DGLUCY: variants seen among roughly 807,000 people sequenced by gnomAD.
DGLUCY encodes D-glutamate cyclase, mitochondrial.
A neutral mutation model predicts 58.5 loss-of-function variants in DGLUCY; 58 were observed. The observed-to-expected ratio is 0.99, with a 90% CI of 0.80 to 1.23. The LOEUF is 1.23. Among genes scored for constraint, DGLUCY ranks in the 50% most tolerant of loss-of-function variants. DGLUCY has a pLI of 0.00. For synonymous variants in DGLUCY, 325 were observed against 314.1 expected (o/e 1.03, Z -0.37); for missense variants, 779 against 784.7 (o/e 0.99, Z 0.09).
intron 9 of DGLUCY, among the ~76,000 whole-genome samples, chr14:91,190,326 C>T (rs182686587): frequency 1.0e-3 from 159 of 152,264 alleles, no homozygotes; most frequent in African/African-American, 3.6e-3. Context: ...GCAAAACTGA[C>T]AACAGTCCTG....
chr14:91,200,888 G>C (rs1293666865), intron 11 of DGLUCY, among the ~76,000 whole-genome samples: 1 of 152,092 alleles, frequency 6.6e-6, no homozygotes, highest in Admixed American at 6.6e-5. Flanking sequence ...TATAGGTTTG[G>C]GATAGGTGGT....
intron 8 of DGLUCY, among the ~76,000 whole-genome samples, chr14:91,185,202 C>T (rs987659368): frequency 6.7e-6 from 1 of 149,898 alleles, no homozygotes; most frequent in African/African-American, 2.5e-5. Flanking sequence ...CTCCTGGCCT[C>T]ATGCAATCTG....
At chr14:91,156,510 G>A (rs1371016882) in intron 1 of DGLUCY, among the ~76,000 whole-genome samples, 4 of 152,120 alleles carry the variant, frequency 2.6e-5, no homozygotes, top group African/African-American at 7.2e-5. Flanking sequence ...GGATTGCTTG[G>A]GTAAACAGAG....
At chr14:91,143,758 A>T (rs1463225567) in intron 1 of DGLUCY, among the ~76,000 whole-genome samples, 1 of 152,174 alleles carries the variant, frequency 6.6e-6, no homozygotes, top group East Asian at 1.9e-4. Context: ...GTAGAGAAAG[A>T]GCAAGACTAT....
intron 3 of DGLUCY, among the ~76,000 whole-genome samples, chr14:91,162,624 C>T (rs537393451): frequency 1.0e-3 from 158 of 152,254 alleles, no homozygotes; most frequent in Non-Finnish European, 1.2e-3. Flanking sequence ...GGGCCGGGCA[C>T]GGTGGCGCAC....
intron 2 of DGLUCY, 112 bp from the exon 3 acceptor site, chr14:91,160,154 A>G: frequency 1.4e-6 from 1 of 725,372 alleles, no homozygotes; most frequent in Non-Finnish European, 2.4e-6. Context: ...GCCCAGGAAC[A>G]GGGCCAGGAA....
In DGLUCY at chr14:91,173,412, G is replaced by A. The variant is rs1566982806; in HGVS notation, c.580G>A (p.Gly194Arg). The A allele has an allele frequency of 1.2e-6, 2 of 1,607,950 alleles. No homozygotes were observed. The highest frequency in any genetic ancestry group is 2.7e-5 in the African/African-American group (2 of 74,346). ...CTGCTGCTCCCTCGGAGGTGAGCAG[G>A]GGCAACCTGTTCACATGGGCGACCC... ...RACCSLGGEQ[G>R]QPVHMGDPEL... Residue 194 changes from glycine to arginine, a missense_variant, in exon 6 of 14, where the codon GGG (glycine) becomes AGG (arginine). Transcript: ENST00000256324.
At chr14:91,112,709 A>G (rs1283070628), upstream of DGLUCY, among the ~76,000 whole-genome samples, 1 of 151,910 alleles carries the variant, frequency 6.6e-6, no homozygotes, top group African/African-American at 2.4e-5. Context: ...AAAAACCAAA[A>G]CCAAAATGAA....
intron 1 of DGLUCY, among the ~76,000 whole-genome samples, chr14:91,083,475 T>G: frequency 6.8e-6 from 1 of 146,116 alleles, no homozygotes; most frequent in Non-Finnish European, 1.5e-5. Context: ...TGAGCTGAGA[T>G]CGTGCCACTC....
rs1213349523 is a variant in DGLUCY at position 91,173,391 on chromosome 14, T to C, written c.559T>C (p.Cys187Arg). ...DKLEGLVRACCSLGGEQGQPV... is the reference protein window; with the variant it reads ...DKLEGLVRACRSLGGEQGQPV... ...GCTGGAAGGGCTGGTGCGGGCCTGC[T>C]GCTCCCTCGGAGGTGAGCAGGGGCA... Residue 187 changes from cysteine to arginine, a missense_variant, in exon 6 of 14, where the codon TGC (cysteine) becomes CGC (arginine). Cys to Arg is a radical substitution (Grantham distance 180). Coordinates refer to ENST00000256324, the MANE Select transcript of DGLUCY (RefSeq NM_001102368.3). 6.2e-7 allele frequency: 1 copy of C among 1,612,908 alleles called. No homozygotes were observed. Among genetic ancestry groups the C allele is most frequent in the East Asian group, 2.2e-5 (1 of 44,870 alleles).
intron 12 of DGLUCY, among the ~76,000 whole-genome samples, chr14:91,205,146 G>A (rs1200462707): frequency 1.3e-5 from 2 of 152,174 alleles, no homozygotes; most frequent in African/African-American, 4.8e-5. Context: ...TAAGAGCTTT[G>A]GGGGCGATAG....
chr14:91,124,147 C>T (rs751817750), intron 1 of DGLUCY, among the ~76,000 whole-genome samples: 1 of 151,636 alleles, frequency 6.6e-6, no homozygotes, highest in Non-Finnish European at 1.5e-5. Context: ...GGGATGGTCT[C>T]GATCTCCTGA....
At chr14:91,060,672 C>G in exon 1 of DGLUCY, 1 of 404,528 alleles carries the variant, frequency 2.5e-6, no homozygotes. Flanking sequence ...TCCACCGCCG[C>G]CTCCTCAGGC....
chr14:91,068,079 GCACACACACACA>G (rs57428509), intron 1 of DGLUCY, among the ~76,000 whole-genome samples: 111 of 146,430 alleles, frequency 7.6e-4, no homozygotes, highest in African/African-American at 2.6e-3. Context: ...ACACGCGCAC[GCACACACACACA>G]CACACACACA....
intron 12 of DGLUCY, among the ~76,000 whole-genome samples, chr14:91,210,145 C>T (rs1220465217): frequency 1.3e-5 from 2 of 152,048 alleles, no homozygotes; most frequent in Non-Finnish European, 2.9e-5. Context: ...AGGCAAATGC[C>T]TGTAGTCCCA....
intron 1 of DGLUCY, among the ~76,000 whole-genome samples, chr14:91,068,995 T>C (rs1171427503): frequency 3.3e-5 from 5 of 152,226 alleles, no homozygotes; most frequent in Non-Finnish European, 7.3e-5. Flanking sequence ...AGGAGACTTG[T>C]GTTATTAGGG....
At chr14:91,170,795 TAA>T (rs993960460) in intron 5 of DGLUCY, among the ~76,000 whole-genome samples, 11 of 152,308 alleles carry the variant, frequency 7.2e-5, no homozygotes, top group Admixed American at 3.9e-4. Context: ...CATCTGTTGG[TAA>T]AGTCTGAGAG....
intron 9 of DGLUCY, among the ~76,000 whole-genome samples, chr14:91,189,600 G>A (rs1221538912): frequency 1.3e-5 from 2 of 152,148 alleles, no homozygotes; most frequent in Non-Finnish European, 2.9e-5. Flanking sequence ...CACCCAGGTG[G>A]GCGTTATTGC....
intron 12 of DGLUCY, among the ~76,000 whole-genome samples, chr14:91,213,001 TA>T (rs59133029): frequency 0.13 from 17,126 of 135,604 alleles, 1,382 homozygotes; most frequent in African/African-American, 0.24. Flanking sequence ...ACTCCGTCTC[TA>T]AAAAAAAAAA....
Sources: allele counts gnomAD v4.1 joint callset (sites outside exome capture counted in the v4.1 genomes callset), GRCh38; gene constraint gnomAD v4.1.1; transcripts MANE v1.5; gene names NCBI Gene and HGNC (gene_info 2026-07-23, HGNC 2026-07-21).